PCDHA12: variants seen among roughly 807,000 people sequenced by gnomAD.
PCDHA12 encodes the protein protocadherin alpha-12.
In PCDHA12, 44 loss-of-function variants were observed where a neutral mutation model predicts 60.0. The ratio of observed to expected loss-of-function variants is 0.73; its 90% confidence interval spans 0.58 to 0.94. The LOEUF (loss-of-function observed/expected upper bound fraction) is 0.94, where lower values mean the gene tolerates loss of function less well. PCDHA12 is among the 40% of genes least tolerant of loss of function. The probability of loss-of-function intolerance (pLI) is 0.00; values close to 1 mark genes in which losing one functional copy is unlikely to be tolerated. For missense variants in PCDHA12, 1,276 were observed against 1,239.7 expected (o/e 1.03, Z -0.44); for synonymous variants, 569 against 553.0 (o/e 1.03, Z -0.40).
intron 1 of PCDHA12, among the ~76,000 whole-genome samples, chr5:140,907,353 A>C (rs1312030991): frequency 3.3e-5 from 5 of 152,234 alleles, no homozygotes; most frequent in Non-Finnish European, 7.3e-5. Flanking sequence ...CCGCTGCTGC[A>C]CTTCTTTAGT....
At chr5:140,878,556 A>G (rs959852623) in intron 1 of PCDHA12, among the ~76,000 whole-genome samples, 3 of 152,156 alleles carry the variant, frequency 2.0e-5, no homozygotes, top group East Asian at 3.8e-4. Context: ...GATGATCCCA[A>G]ACTTATCATA....
chr5:140,899,619 A>G (rs2067442008), intron 1 of PCDHA12, among the ~76,000 whole-genome samples: 2 of 152,136 alleles, frequency 1.3e-5, no homozygotes, highest in Admixed American at 1.3e-4. Context: ...AATGTTCATC[A>G]AGGATATTGG....
chr5:140,924,886 A>G (rs190850675), intron 1 of PCDHA12, among the ~76,000 whole-genome samples: 11 of 137,270 alleles, frequency 8.0e-5, no homozygotes, highest in Admixed American at 3.0e-4. Context: ...CAGAGCAAGA[A>G]CCTGTCTCAA....
At chr5:140,963,068 G>C (rs1472395054) in intron 1 of PCDHA12, among the ~76,000 whole-genome samples, 3 of 152,064 alleles carry the variant, frequency 2.0e-5, no homozygotes, top group African/African-American at 7.2e-5. Context: ...CATTGTGAAG[G>C]AGACAGAAAT....
intron 1 of PCDHA12, among the ~76,000 whole-genome samples, chr5:140,957,275 C>T (rs1203444899): frequency 6.6e-6 from 1 of 152,158 alleles, no homozygotes; most frequent in African/African-American, 2.4e-5. Flanking sequence ...CTAGTCCCCC[C>T]TTACCTGCAG....
At chr5:140,980,437 C>G (rs1586844281) in intron 2 of PCDHA12, among the ~76,000 whole-genome samples, 1 of 152,156 alleles carries the variant, frequency 6.6e-6, no homozygotes, top group Admixed American at 6.5e-5. Flanking sequence ...CGAGACCATC[C>G]TGGACAACAC....
chr5:140,947,763 AAT>A (rs1396909113), intron 1 of PCDHA12, among the ~76,000 whole-genome samples: 1 of 151,658 alleles, frequency 6.6e-6, no homozygotes, highest in Non-Finnish European at 1.5e-5. Flanking sequence ...TGGTTTAAAA[AAT>A]TCTATTGTAA....
intron 1 of PCDHA12, among the ~76,000 whole-genome samples, chr5:140,962,850 G>T (rs2095713419): frequency 6.6e-6 from 1 of 152,104 alleles, no homozygotes; most frequent in African/African-American, 2.4e-5. Flanking sequence ...TATAACTTGT[G>T]CTCGGTTTGT....
intron 3 of PCDHA12, among the ~76,000 whole-genome samples, chr5:141,008,075 G>A (rs1002549445): frequency 2.0e-5 from 3 of 152,004 alleles, no homozygotes; most frequent in Non-Finnish European, 1.5e-5. Flanking sequence ...GAACTTATTG[G>A]GGTTATTCTA....
chr5:140,938,734 AT>A (rs1207782725), intron 1 of PCDHA12, among the ~76,000 whole-genome samples: 1 of 152,136 alleles, frequency 6.6e-6, no homozygotes, highest in Admixed American at 6.5e-5. Flanking sequence ...ACAGAAAAAA[AT>A]AATTATTTTT....
chr5:140,967,870 G>A (rs782622860), intron 1 of PCDHA12: 31 of 1,614,152 alleles, frequency 1.9e-5, no homozygotes, highest in Non-Finnish European at 2.5e-5. Flanking sequence ...TGGTGCTCAC[G>A]GACCTGTATA....
intron 1 of PCDHA12, among the ~76,000 whole-genome samples, chr5:140,880,884 G>A (rs540368068): frequency 2.0e-5 from 3 of 152,304 alleles, no homozygotes; most frequent in South Asian, 4.1e-4. Flanking sequence ...ATAAAGAAAT[G>A]TAGGGCCAGA....
intron 1 of PCDHA12, among the ~76,000 whole-genome samples, chr5:140,937,132 GGTT>G (rs2091356684): frequency 6.6e-6 from 1 of 151,434 alleles, no homozygotes. Context: ...CCGCCTCCCG[GGTT>G]CATGCCATTC....
At chr5:140,967,695 T>C (rs782761674) in intron 1 of PCDHA12, 5 of 1,614,184 alleles carry the variant, frequency 3.1e-6, no homozygotes, top group Admixed American at 1.7e-5. Flanking sequence ...CTCTTCAGCA[T>C]AGATGCCAGT....
chr5:140,895,523 C>T (rs2065044928), intron 1 of PCDHA12, among the ~76,000 whole-genome samples: 1 of 152,068 alleles, frequency 6.6e-6, no homozygotes, highest in South Asian at 2.1e-4. Flanking sequence ...TTGGTTTATT[C>T]GTTTTTCAAT....
chr5:140,880,891 C>T (rs1475261918), intron 1 of PCDHA12, among the ~76,000 whole-genome samples: 2 of 151,984 alleles, frequency 1.3e-5, no homozygotes, highest in Non-Finnish European at 2.9e-5. Flanking sequence ...AATGTAGGGC[C>T]AGATAGAAAG....
chr5:140,988,156 C>A (rs546335543), intron 3 of PCDHA12, among the ~76,000 whole-genome samples: 1 of 152,054 alleles, frequency 6.6e-6, no homozygotes, highest in Non-Finnish European at 1.5e-5. Flanking sequence ...CAACTTCTGC[C>A]GTTGTCATAG....
intron 1 of PCDHA12, among the ~76,000 whole-genome samples, chr5:140,922,803 A>G (rs2080995467): frequency 6.6e-6 from 1 of 152,246 alleles, no homozygotes; most frequent in African/African-American, 2.4e-5. Flanking sequence ...TGGAATACAG[A>G]AAAAGGAGAT....
intron 1 of PCDHA12, chr5:140,882,587 G>A (rs559310344): frequency 6.2e-7 from 1 of 1,614,256 alleles, no homozygotes; most frequent in East Asian, 2.2e-5. Flanking sequence ...CATCCACCTG[G>A]AGGTGATCGT....
Sources: allele counts gnomAD v4.1 joint callset (sites outside exome capture counted in the v4.1 genomes callset), GRCh38; gene constraint gnomAD v4.1.1; transcripts MANE v1.5; gene names NCBI Gene and HGNC (gene_info 2026-07-23, HGNC 2026-07-21).